Variants in CFAP20DC observed in about 807,000 individuals in gnomAD.
CFAP20DC encodes the protein protein CFAP20DC.
In CFAP20DC, 84 loss-of-function variants were observed where a neutral mutation model predicts 101.7. The ratio of observed to expected loss-of-function variants is 0.83; its 90% CI spans 0.69 to 0.99. The LOEUF (loss-of-function observed/expected upper bound fraction) is 0.99, where lower values mean the gene tolerates loss of function less well. CFAP20DC is among the 50% of genes least tolerant of loss of function. The pLI, the probability that CFAP20DC is intolerant of heterozygous loss-of-function variation, is 0.00. For synonymous variants in CFAP20DC, 359 were observed against 351.2 expected, an observed-to-expected ratio of 1.02 and a Z score of -0.25; for missense variants, 1,007 against 970.3, an observed-to-expected ratio of 1.04 and a Z score of -0.50.
chr3:58,726,428 A>G (rs1441870063), intron 3 of CFAP20DC: 2 of 153,050 alleles, frequency 1.3e-5, no homozygotes, highest in African/African-American at 4.8e-5. Context: ...GTCTGGCAGA[A>G]TGATAAAGTC....
chr3:58,969,553 A>G (rs2091821863), intron 4 of CFAP20DC, among the ~76,000 whole-genome samples: 1 of 152,194 alleles, frequency 6.6e-6, no homozygotes, highest in African/African-American at 2.4e-5. Context: ...ATAATAGCCA[A>G]AATGGAAACA....
At chr3:58,992,820 A>C (rs1312008557) in intron 4 of CFAP20DC, among the ~76,000 whole-genome samples, 1 of 152,176 alleles carries the variant, frequency 6.6e-6, no homozygotes, top group African/African-American at 2.4e-5. Context: ...ATATCCATCC[A>C]GAACTGGAAG....
intron 3 of CFAP20DC, among the ~76,000 whole-genome samples, chr3:58,719,624 G>A (rs1391465759): frequency 6.6e-6 from 1 of 152,182 alleles, no homozygotes; most frequent in East Asian, 1.9e-4. Flanking sequence ...TGGGCTTGAT[G>A]AACTTGTTTT....
At chr3:58,925,844 T>G (rs976475660) in intron 5 of CFAP20DC, among the ~76,000 whole-genome samples, 5 of 152,338 alleles carry the variant, frequency 3.3e-5, no homozygotes, top group Non-Finnish European at 7.3e-5. Context: ...AGAGGTCACA[T>G]GTTAATCTTA....
chr3:58,931,086 T>A lies in CFAP20DC; in HGVS notation c.393+6562A>T, dbSNP rs548194103. Among the ~76,000 whole-genome samples the A allele has an allele frequency of 8.3e-4, 126 of 152,168 alleles. 1 individual carries two copies. The highest frequency in any genetic ancestry group is 3.4e-3 in the Middle Eastern group (1 of 294). ...CCACCCGAATACTGCGCTTTTCCGA[T>A]GGGGCTTAAAAAACGGCGCACCAGG... On this transcript the variant is annotated intron_variant, in intron 5 of 16. Transcript: ENST00000482387.
chr3:58,975,978 C>G (rs1047408592), intron 4 of CFAP20DC, among the ~76,000 whole-genome samples: 9 of 152,156 alleles, frequency 5.9e-5, no homozygotes, highest in African/African-American at 2.2e-4. Flanking sequence ...CTTCTCTTAT[C>G]TCCTGTGAAA....
rs1380002738 is a variant in CFAP20DC, at chr3:58,913,499, AAAG to A, written c.550+206_550+208del. The A allele has an allele frequency of 1.5e-5, 9 of 612,578 alleles. No homozygotes were observed. Among genetic ancestry groups the A allele is most frequent in the East Asian group, 1.1e-4 (4 of 36,570 alleles). The allele number at this position is 612,578 out of a possible 1,614,324, so 37.9% of individuals were successfully genotyped here. On this transcript the variant is annotated intron_variant, in intron 6 of 16. Coordinates refer to ENST00000482387, the MANE Select transcript of CFAP20DC (RefSeq NM_001394063.1). This position sits in a 1 kb window ranked among gnomAD's most constrained non-coding sequence, Gnocchi z 4.4. ...TAAAGAAAAAAGAAAACAACCACAA[AAAG>A]AAGATTAATACCTTTTTTGTGACAT...
chr3:58,945,592 T>C lies in CFAP20DC; in HGVS notation c.279-7830A>G, dbSNP rs571425819. On this transcript the variant is annotated intron_variant, in intron 4 of 16. Transcript: ENST00000482387. ...GGCCTCACATACTTACTTCAAATCC[T>C]CTCAGTTATTAGCGAGGACTCCTGA... 3.8e-4 allele frequency among the ~76,000 whole-genome samples: 58 copies of C among 152,246 alleles called. 1 individual carries two copies. Among genetic ancestry groups the C allele is most frequent in the Admixed American group, 3.8e-3 (58 of 15,304 alleles).
intron 14 of CFAP20DC, among the ~76,000 whole-genome samples, chr3:58,827,225 A>G (rs1303516750): frequency 1.1e-4 from 16 of 152,144 alleles, no homozygotes; most frequent in Admixed American, 2.0e-4. Context: ...CAAAACAATT[A>G]TAAGTCTTTA....
intron 4 of CFAP20DC, among the ~76,000 whole-genome samples, chr3:59,023,249 AG>A (rs1234425671): frequency 2.6e-5 from 4 of 152,062 alleles, no homozygotes; most frequent in African/African-American, 9.7e-5. Context: ...CAAAATAACA[AG>A]CACTACTGAA....
chr3:58,958,069 C>G (rs988310399), intron 4 of CFAP20DC, among the ~76,000 whole-genome samples: 1 of 152,072 alleles, frequency 6.6e-6, no homozygotes, highest in African/African-American at 2.4e-5. Context: ...GTAATTATTA[C>G]ATATTACACA....
chr3:58,924,594 T>C lies in CFAP20DC; in HGVS notation c.394-10730A>G, dbSNP rs556174258. Among the ~76,000 whole-genome samples, 83 of 152,304 alleles carry C rather than the reference T, an allele frequency of 5.4e-4. No homozygotes were observed. In the South Asian group the frequency reaches 0.017, roughly 31 times the overall value. On this transcript the variant is annotated intron_variant, in intron 5 of 16. Coordinates refer to ENST00000482387, the MANE Select transcript of CFAP20DC (RefSeq NM_001394063.1). The stretch of plus-strand genomic sequence containing the variant: ...TCTTTTCCTTAGGGTAGACATCCAG[T>C]AGTGGGATTACTGGGCCAAATGGTA...
At chr3:58,921,420 CATTTTGGTGTGCTTT>C (rs1450915585) in intron 5 of CFAP20DC, among the ~76,000 whole-genome samples, 5 of 152,056 alleles carry the variant, frequency 3.3e-5, no homozygotes, top group African/African-American at 1.2e-4. Flanking sequence ...ACATCCCACA[CATTTTGGTGTGCTTT>C]ATTTTCAATA....
intron 4 of CFAP20DC, among the ~76,000 whole-genome samples, chr3:58,998,819 CAT>C (rs2093219279): frequency 6.6e-6 from 1 of 152,198 alleles, no homozygotes. Context: ...CTATTGCCCA[CAT>C]GTCATGAGCA....
intron 15 of CFAP20DC, among the ~76,000 whole-genome samples, chr3:58,802,172 C>T (rs996306203): frequency 4.6e-5 from 7 of 152,164 alleles, no homozygotes; most frequent in African/African-American, 7.2e-5. Flanking sequence ...GAATATCTTA[C>T]GTTTTTCTGA....
chr3:58,831,620 G>A, intron 14 of CFAP20DC, 66 bp downstream of exon 14: 1 of 1,406,224 alleles, frequency 7.1e-7, no homozygotes, highest in South Asian at 1.2e-5. Context: ...GCAAAGCTGG[G>A]ATTTGTTAGA....
downstream of CFAP20DC, among the ~76,000 whole-genome samples, chr3:58,741,774 A>G (rs1312086166): frequency 6.6e-6 from 1 of 152,018 alleles, no homozygotes; most frequent in African/African-American, 2.4e-5. Context: ...TTTTTTTAAA[A>G]GAAAAATACA....
At chr3:58,852,664 C>T (rs2078359244) in intron 12 of CFAP20DC, among the ~76,000 whole-genome samples, 1 of 148,324 alleles carries the variant, frequency 6.7e-6, no homozygotes, top group African/African-American at 2.5e-5. Flanking sequence ...CAAACTAGAA[C>T]TCAGGATTAA....
At chr3:58,998,741 T>C (rs2093216651) in intron 4 of CFAP20DC, among the ~76,000 whole-genome samples, 1 of 152,180 alleles carries the variant, frequency 6.6e-6, no homozygotes, top group South Asian at 2.1e-4. Flanking sequence ...GATGATGACG[T>C]GTCCCAGAAA....
Sources: allele counts gnomAD v4.1 joint callset (sites outside exome capture counted in the v4.1 genomes callset), GRCh38; gene constraint gnomAD v4.1.1; non-coding constraint Gnocchi (gnomAD v3.1); transcripts MANE v1.5; gene names NCBI Gene and HGNC (gene_info 2026-07-23, HGNC 2026-07-21).